The following MS4A6E variants were observed in gnomAD, a reference collection of about 807,000 sequenced individuals.
MS4A6E encodes membrane-spanning 4-domains subfamily A member 6E.
In MS4A6E, 8 loss-of-function variants were observed where a neutral mutation model predicts 13.2. The ratio of observed to expected loss-of-function variants is 0.60; its 90% CI spans 0.35 to 1.09. The LOEUF is 1.09. MS4A6E is among the 50% of genes least tolerant of loss of function. The probability of loss-of-function intolerance (pLI) is 0.02; values close to 1 mark genes in which losing one functional copy is unlikely to be tolerated. For synonymous variants in MS4A6E, 72 were observed against 67.6 expected, an observed-to-expected ratio of 1.06 and a Z score of -0.32; for missense variants, 177 against 171.1, an observed-to-expected ratio of 1.03 and a Z score of -0.19.
chr11:60,337,213 A>G (rs1035011668), intron 2 of MS4A6E, among the ~76,000 whole-genome samples: 2 of 152,206 alleles, frequency 1.3e-5, no homozygotes, highest in Non-Finnish European at 2.9e-5. Flanking sequence ...GAGAGAGGCA[A>G]TAGGCACGCA....
chr11:60,344,526 C>A (rs77585232), downstream of MS4A6E, among the ~76,000 whole-genome samples: 1,942 of 152,312 alleles, frequency 0.013, 42 homozygotes, highest in African/African-American at 0.045. Flanking sequence ...GAGTTTTATC[C>A]TTTCCCAAGT....
At position 60,339,941 on chromosome 11, in the gene MS4A6E, A is replaced by G. The variant is rs1485293113; in HGVS notation, c.430A>G (p.Lys144Glu). Residue 144 changes from lysine to glutamate, a missense_variant, in exon 4 of 5, where the codon AAA (lysine) becomes GAA (glutamate). Lys to Glu is a moderately conservative substitution (Grantham distance 56). Coordinates refer to ENST00000684409, the MANE Select transcript of MS4A6E (RefSeq NM_139249.4). Reference sequence around the variant, plus strand: ...TGTGCTCACTGCTGTGCTGCAGTGGAAACAGACTGTCTGACTTCCCTGGGT... The same window carrying G: ...TGTGCTCACTGCTGTGCTGCAGTGGGAACAGACTGTCTGACTTCCCTGGGT... ...LAVLTAVLQW[K>E]QTV 6.2e-7 allele frequency: 1 copy of G among 1,613,602 alleles called. No individual in the cohort carries two copies. The highest frequency in any genetic ancestry group is 1.3e-5 in the African/African-American group (1 of 74,916).
chr11:60,328,962 G>A (rs1252001048), intron 1 of MS4A6E, among the ~76,000 whole-genome samples: 1 of 152,138 alleles, frequency 6.6e-6, no homozygotes, highest in East Asian at 1.9e-4. Context: ...ATACAAACGA[G>A]TGACTATTTG....
At chr11:60,346,949 T>C (rs1007877059) in intron 4 of MS4A6E, among the ~76,000 whole-genome samples, 4 of 152,252 alleles carry the variant, frequency 2.6e-5, no homozygotes, top group African/African-American at 9.6e-5. Flanking sequence ...AAAGCTTCTA[T>C]ATACCTATTG....
At chr11:60,345,712 G>T (rs2085253301), downstream of MS4A6E, among the ~76,000 whole-genome samples, 1 of 152,218 alleles carries the variant, frequency 6.6e-6, no homozygotes. Flanking sequence ...GTTAGCCAAA[G>T]GCTCCCCCTA....
At chr11:60,333,579 G>C (rs1565155572) in intron 1 of MS4A6E, among the ~76,000 whole-genome samples, 1 of 152,202 alleles carries the variant, frequency 6.6e-6, no homozygotes, top group Non-Finnish European at 1.5e-5. Context: ...GGTCCTGAAG[G>C]AGAGGGTTGG....
intron 1 of MS4A6E, 107 bp from the exon 2 acceptor site, chr11:60,334,775 A>G (rs1254769540): frequency 4.1e-6 from 5 of 1,230,384 alleles, no homozygotes; most frequent in Non-Finnish European, 5.7e-6. Context: ...TTTCTCTAAC[A>G]CACAGGCCAA....
intron 3 of MS4A6E, chr11:60,338,741 T>C (rs2085205099): frequency 6.6e-6 from 1 of 152,246 alleles, no homozygotes. Flanking sequence ...AGAATATTTA[T>C]TGTCCTGCAA....
chr11:60,339,768 TG>T, intron 3 of MS4A6E, 97 bp from the exon 4 acceptor site: 1 of 980,862 alleles, frequency 1.0e-6, no homozygotes. Context: ...CATTCTCTAA[TG>T]GTTGAGGTGG....
At chr11:60,335,578 A>T (rs1264812459) in intron 2 of MS4A6E, 1 of 456,048 alleles carries the variant, frequency 2.2e-6, no homozygotes, top group Non-Finnish European at 4.4e-6. Flanking sequence ...GAAAGAAGGG[A>T]TCTATCTTGG....
intron 4 of MS4A6E, 101 bp downstream of exon 4, chr11:60,340,065 G>C: frequency 6.5e-7 from 1 of 1,547,598 alleles, no homozygotes; most frequent in East Asian, 2.3e-5. Context: ...CAATCAGTCA[G>C]TCATGAGATA....
At chr11:60,347,044 T>A (rs2085259426) in intron 4 of MS4A6E, among the ~76,000 whole-genome samples, 1 of 152,108 alleles carries the variant, frequency 6.6e-6, no homozygotes, top group Non-Finnish European at 1.5e-5. Flanking sequence ...ATAGCACAAT[T>A]TTCATCAGGC....
intron 1 of MS4A6E, among the ~76,000 whole-genome samples, chr11:60,331,640 G>GC (rs2085156459): frequency 6.6e-6 from 1 of 152,170 alleles, no homozygotes; most frequent in African/African-American, 2.4e-5. Flanking sequence ...ACATAAGGAT[G>GC]AACATAATAA....
chr11:60,328,095 T>C lies in MS4A6E; in HGVS notation c.-15+687T>C, dbSNP rs116883999. 4.3e-3 allele frequency among the ~76,000 whole-genome samples: 639 copies of C among 147,828 alleles called. 1 individual carries two copies. The highest frequency in any genetic ancestry group is 6.2e-3 in the Non-Finnish European group (418 of 67,354). On this transcript the variant is annotated intron_variant, in intron 1 of 4. Coordinates refer to ENST00000684409, the MANE Select transcript of MS4A6E (RefSeq NM_139249.4). ...CCTTGTTATCAAGTGGCAAAGAATA[T>C]GGCTGAATTGTGTCTATGTCCCAGG...
In MS4A6E at chr11:60,329,712, T is replaced by C. The variant is rs931666100; in HGVS notation, c.-15+2304T>C. 5.3e-5 allele frequency among the ~76,000 whole-genome samples: 8 copies of C among 152,356 alleles called. No individual in the cohort carries two copies. In the East Asian group the frequency reaches 1.5e-3, roughly 29 times the overall value. ...AATTGGCATGAGATGGTATCTATTGTGGTTTTGATTTGCATTTCTCTAATT... is the reference window on the plus strand; with the variant it reads ...AATTGGCATGAGATGGTATCTATTGCGGTTTTGATTTGCATTTCTCTAATT... On this transcript the variant is annotated intron_variant, in intron 1 of 4. Transcript: ENST00000684409.
chr11:60,334,490 T>A (rs1204214981), intron 1 of MS4A6E, among the ~76,000 whole-genome samples: 1 of 152,202 alleles, frequency 6.6e-6, no homozygotes, highest in East Asian at 1.9e-4. Context: ...TGCATGCTAA[T>A]AGACAAAAAA....
At chr11:60,349,070 G>A (rs901432392) in intron 4 of MS4A6E, among the ~76,000 whole-genome samples, 1 of 152,156 alleles carries the variant, frequency 6.6e-6, no homozygotes, top group African/African-American at 2.4e-5. Flanking sequence ...AGCACAAAAA[G>A]CACTTTTTGA....
intron 1 of MS4A6E, among the ~76,000 whole-genome samples, chr11:60,330,586 AC>A (rs2085148788): frequency 6.7e-6 from 1 of 149,606 alleles, no homozygotes; most frequent in African/African-American, 2.5e-5. Context: ...TGATCCGCCC[AC>A]CTCGGCCTCC....
chr11:60,339,949 T>A lies in MS4A6E; in HGVS notation c.438T>A (p.Thr146=). 1.2e-6 allele frequency: 2 copies of A among 1,613,626 alleles called. No individual in the cohort carries two copies. Among genetic ancestry groups the A allele is most frequent in the East Asian group, 4.5e-5 (2 of 44,808 alleles). Residue 146 remains threonine, a synonymous_variant, in exon 4 of 5, where the codon ACT becomes ACA. Coordinates refer to ENST00000684409, the MANE Select transcript of MS4A6E (RefSeq NM_139249.4). ...VLTAVLQWKQ[T]V ...CTGCTGTGCTGCAGTGGAAACAGAC[T>A]GTCTGACTTCCCTGGGTGAGTGTGC...
Sources: gnomAD v4.1 joint callset for allele counts (sites outside exome capture counted in the v4.1 genomes callset) on GRCh38, gnomAD v4.1.1 for gene constraint, MANE v1.5 for transcripts, NCBI Gene and HGNC (gene_info 2026-07-23, HGNC 2026-07-21) for gene names.